The following SCAMP1 variants were observed in gnomAD, a reference collection of about 807,000 sequenced individuals.
SCAMP1 encodes the protein secretory carrier-associated membrane protein 1.
SCAMP1 carries 15 observed loss-of-function variants against 41.8 expected under a neutral mutation model. That is an observed-to-expected ratio of 0.36 (90% CI 0.24 to 0.55). The LOEUF is 0.55. Ranked by LOEUF, SCAMP1 falls within the 20% of genes least tolerant of loss-of-function variation. The pLI is 0.86. For missense variants in SCAMP1, 341 were observed against 412.6 expected (o/e 0.83, Z 1.50); for synonymous variants, 135 against 136.8 (o/e 0.99, Z 0.09).
intron 1 of SCAMP1, among the ~76,000 whole-genome samples, chr5:78,374,052 T>C (rs1443189995): frequency 6.6e-6 from 1 of 152,082 alleles, no homozygotes; most frequent in African/African-American, 2.4e-5. Flanking sequence ...GTAGGTTATT[T>C]AGTAACGTAT....
At chr5:78,438,520 G>A (rs1580695699) in intron 6 of SCAMP1, among the ~76,000 whole-genome samples, 1 of 152,102 alleles carries the variant, frequency 6.6e-6, no homozygotes, top group African/African-American at 2.4e-5. Context: ...GTAGTTGAGC[G>A]GTTTTGAGTG....
chr5:78,461,457 T>C (rs1287885010), intron 8 of SCAMP1, among the ~76,000 whole-genome samples: 2 of 152,242 alleles, frequency 1.3e-5, no homozygotes, highest in African/African-American at 4.8e-5. Flanking sequence ...TTCATTATTG[T>C]CAGCTTTGTT....
chr5:78,439,566 G>GT (rs1215555748), intron 6 of SCAMP1, among the ~76,000 whole-genome samples: 2 of 152,160 alleles, frequency 1.3e-5, no homozygotes, highest in Non-Finnish European at 2.9e-5. Context: ...GGCTTGTAGG[G>GT]TTTTTGCCGA....
chr5:78,373,230 G>A (rs531962931), intron 1 of SCAMP1, among the ~76,000 whole-genome samples: 16 of 152,176 alleles, frequency 1.1e-4, no homozygotes, highest in African/African-American at 3.9e-4. Context: ...TTTATCTTAT[G>A]AACTGAACTC....
At chr5:78,452,650 C>T (rs1334097418) in intron 7 of SCAMP1, among the ~76,000 whole-genome samples, 9 of 151,674 alleles carry the variant, frequency 5.9e-5, no homozygotes, top group South Asian at 2.1e-4. Context: ...AATAAACATA[C>T]GTGTGCATGT....
chr5:78,432,398 A>C (rs1252855031), intron 6 of SCAMP1, among the ~76,000 whole-genome samples: 1 of 152,110 alleles, frequency 6.6e-6, no homozygotes, highest in Non-Finnish European at 1.5e-5. Context: ...GCTAATAATC[A>C]GTTCTCTGAT....
chr5:78,382,670 G>C (rs1751234191), intron 1 of SCAMP1, among the ~76,000 whole-genome samples: 1 of 152,000 alleles, frequency 6.6e-6, no homozygotes, highest in Non-Finnish European at 1.5e-5. Context: ...ACAATGTTTG[G>C]TTTTCCAGTC....
chr5:78,463,856 T>C (rs1270276059), intron 8 of SCAMP1, among the ~76,000 whole-genome samples: 1 of 118,624 alleles, frequency 8.4e-6, no homozygotes, highest in Middle Eastern at 4.2e-3. Context: ...ATACAGATTT[T>C]ATCTTAATGA....
In SCAMP1 at chr5:78,459,120, A is replaced by T. The variant is rs573145745; in HGVS notation, c.735-125A>T. On this transcript the variant is annotated intron_variant, in intron 7 of 8. Transcript: ENST00000621999. ...TGGGTGGGTTGTGAGAATTAAATGCACTAATACACATAAAGAACTTGAATA... is the reference window on the plus strand; with the variant it reads ...TGGGTGGGTTGTGAGAATTAAATGCTCTAATACACATAAAGAACTTGAATA... The T allele has an allele frequency of 6.4e-5, 42 of 656,510 alleles. No individual in the cohort carries two copies. The African/African-American group carries it at 7.2e-4, about 11-fold the overall frequency. 40.7% of individuals were successfully genotyped at this position (656,510 alleles called of 1,614,324 possible).
chr5:78,477,110 C>G lies in SCAMP1; in HGVS notation c.*1442C>G, dbSNP rs570889833. On this transcript the variant is annotated 3_prime_UTR_variant, in exon 9 of 9. Coordinates refer to ENST00000621999, the MANE Select transcript of SCAMP1 (RefSeq NM_004866.6). ...TGGAAATCCTTATTTTTTAAAAAAT[C>G]AGATAGGCATAAATAGTTAAATCAC... The G allele has an allele frequency of 1.3e-5, 2 of 152,164 alleles. No homozygotes were observed. The highest frequency in any genetic ancestry group is 2.1e-4 in the South Asian group (1 of 4,828). The allele number at this position is 152,164 out of a possible 1,614,324, so 9.4% of individuals were successfully genotyped here.
At chr5:78,436,300 T>C (rs1479487892) in intron 6 of SCAMP1, among the ~76,000 whole-genome samples, 1 of 152,244 alleles carries the variant, frequency 6.6e-6, no homozygotes, top group East Asian at 1.9e-4. Context: ...TCCTTGCCCA[T>C]GCCTATGTCC....
chr5:78,412,731 G>GT (rs1175123514), intron 2 of SCAMP1, among the ~76,000 whole-genome samples: 3 of 151,952 alleles, frequency 2.0e-5, no homozygotes, highest in African/African-American at 7.2e-5. Flanking sequence ...TCTTTTGCTA[G>GT]TTTTTCGATT....
chr5:78,441,612 G>C (rs1752926497), intron 6 of SCAMP1, among the ~76,000 whole-genome samples: 1 of 152,172 alleles, frequency 6.6e-6, no homozygotes, highest in South Asian at 2.1e-4. Context: ...TCAGGAGTTT[G>C]AATCCAGCCT....
intron 8 of SCAMP1, among the ~76,000 whole-genome samples, chr5:78,473,192 C>T (rs1344320728): frequency 6.6e-6 from 1 of 152,120 alleles, no homozygotes; most frequent in Non-Finnish European, 1.5e-5. Flanking sequence ...TGCTCTTTTT[C>T]TTCCTGACCA....
intron 8 of SCAMP1, among the ~76,000 whole-genome samples, chr5:78,469,308 C>A (rs1753817209): frequency 6.6e-6 from 1 of 152,062 alleles, no homozygotes; most frequent in African/African-American, 2.4e-5. Context: ...GACTAGGAAT[C>A]AATTCTGGAT....
chr5:78,444,373 A>G lies in SCAMP1; in HGVS notation c.633-5560A>G, dbSNP rs142902986. ...AAGGAGGAGCAAAGGTATGTCTTAC[A>G]TGGTGGCAGGCAAGAGAGTGTGTGC... is the stretch of plus-strand genomic sequence containing the variant. On this transcript the variant is annotated intron_variant, in intron 6 of 8. Transcript: ENST00000621999. 4.0e-4 allele frequency among the ~76,000 whole-genome samples: 61 copies of G among 152,328 alleles called. 1 individual carries two copies. Among genetic ancestry groups the G allele is most frequent in the African/African-American group, 1.4e-3 (58 of 41,580 alleles).
chr5:78,459,116 A>C, intron 7 of SCAMP1, 129 bp from the exon 8 acceptor site: 1 of 633,458 alleles, frequency 1.6e-6, no homozygotes, highest in Non-Finnish European at 2.8e-6. Flanking sequence ...TGAGAATTAA[A>C]TGCACTAATA....
intron 6 of SCAMP1, among the ~76,000 whole-genome samples, chr5:78,440,364 G>T (rs1382589283): frequency 1.2e-4 from 18 of 152,172 alleles, no homozygotes; most frequent in Non-Finnish European, 2.1e-4. Flanking sequence ...GGTCTTTGAT[G>T]ATGGTGATGT....
chr5:78,473,939 G>A (rs891749793), intron 8 of SCAMP1, among the ~76,000 whole-genome samples: 7 of 152,010 alleles, frequency 4.6e-5, no homozygotes, highest in Non-Finnish European at 1.0e-4. Flanking sequence ...AGGCTGAGAA[G>A]TCCAAGATAA....
Sources: gnomAD v4.1 joint callset for allele counts (sites outside exome capture counted in the v4.1 genomes callset) on GRCh38, gnomAD v4.1.1 for gene constraint, MANE v1.5 for transcripts, NCBI Gene and HGNC (gene_info 2026-07-23, HGNC 2026-07-21) for gene names.